Variants in DIPK1C observed in about 807,000 individuals in gnomAD.
The protein encoded by DIPK1C is divergent protein kinase domain 1C, also known as familial non-conventional Alzheimer's dementia.
DIPK1C carries 33 observed loss-of-function variants against 28.0 expected under a neutral mutation model. That is an observed-to-expected ratio of 1.18 (90% CI 0.89 to 1.58). The LOEUF (loss-of-function observed/expected upper bound fraction) is 1.58. Ranked by LOEUF, DIPK1C falls within the 40% of genes most tolerant of loss-of-function variation. The pLI, the probability that DIPK1C is intolerant of heterozygous loss-of-function variation, is 0.00. For missense variants in DIPK1C, 569 were observed against 568.5 expected (o/e 1.00, Z -0.01); for synonymous variants, 255 against 248.8 (o/e 1.02, Z -0.23).
At chr18:74,455,846 A>T (rs1343056915) in intron 1 of DIPK1C, among the ~76,000 whole-genome samples, 1 of 152,212 alleles carries the variant, frequency 6.6e-6, no homozygotes, top group Non-Finnish European at 1.5e-5. Context: ...CCTATGTTCA[A>T]TTCACGATGA....
Position 74,447,151 on chromosome 18 carries a change from G to T in DIPK1C, c.331C>A (p.Arg111=), listed in dbSNP as rs531235586. The T allele has an allele frequency of 9.4e-4, 1,464 of 1,550,572 alleles. 23 individuals carry two copies. In the South Asian group the frequency reaches 0.016, roughly 17 times the overall value. ...KKVLQADWRG[R]PVVLKSKEEA... is the part of the protein sequence containing the mutation. The stretch of plus-strand genomic sequence containing the variant: ...TCCTTGGACTTGAGGACCACGGGCC[G>T]GCCGCGCCAGTCGGCCTGCAGCACC... Residue 111 remains arginine (R), a synonymous_variant, in exon 2 of 4, where the codon CGG becomes AGG. Transcript: ENST00000343998. The surrounding 1 kb of genome is among the most constrained non-coding windows in gnomAD (Gnocchi z 4.1).
chr18:74,457,797 C>T (rs1986553966), upstream of DIPK1C: 1 of 151,298 alleles, frequency 6.6e-6, no homozygotes, highest in Admixed American at 6.6e-5. Flanking sequence ...TCTCCGGGCC[C>T]TCCCGGGAGT....
At chr18:74,456,624 G>C (rs530866647) in intron 1 of DIPK1C, among the ~76,000 whole-genome samples, 1 of 152,320 alleles carries the variant, frequency 6.6e-6, no homozygotes, top group South Asian at 2.1e-4. Flanking sequence ...ACGCGGGCTG[G>C]GCTGGAGCGC....
chr18:74,462,098 A>C (rs1212527797), upstream of DIPK1C, among the ~76,000 whole-genome samples: 1 of 152,160 alleles, frequency 6.6e-6, no homozygotes, highest in East Asian at 1.9e-4. Context: ...TTGAGGTATA[A>C]TTTGTATACC....
At chr18:74,444,659 T>C (rs1986219256) in intron 2 of DIPK1C, among the ~76,000 whole-genome samples, 1 of 152,088 alleles carries the variant, frequency 6.6e-6, no homozygotes, top group Admixed American at 6.5e-5. Flanking sequence ...AGTTGTACAG[T>C]CTTGGGTAAA....
At position 74,446,696 on chromosome 18, in the gene DIPK1C, G is replaced by T; in HGVS notation, c.786C>A (p.Asp262Glu). ...AGTCACTGTCAAAATGGTTCACCAT[G>T]TCCAAGAAGCTGAGTGCGATGTCAC... Reference protein sequence around the residue: ...AISDIALSFLDMVNHFDSDFS... With the variant: ...AISDIALSFLEMVNHFDSDFS... Residue 262 changes from aspartate (D) to glutamate (E), a missense_variant, in exon 2 of 4, where the codon GAC (aspartate) becomes GAA (glutamate). Transcript: ENST00000343998. 2 of 1,537,938 alleles carry T rather than the reference G, an allele frequency of 1.3e-6. No individual in the cohort carries two copies. Among genetic ancestry groups the T allele is most frequent in the Non-Finnish European group, 1.8e-6 (2 of 1,140,634 alleles).
intron 2 of DIPK1C, among the ~76,000 whole-genome samples, chr18:74,442,478 A>T (rs577821238): frequency 1.3e-5 from 2 of 151,948 alleles, no homozygotes; most frequent in African/African-American, 4.8e-5. Flanking sequence ...ACAGGTGCCC[A>T]CCACCACACC....
chr18:74,441,745 CT>C (rs1986129118), intron 3 of DIPK1C, among the ~76,000 whole-genome samples: 3 of 152,180 alleles, frequency 2.0e-5, no homozygotes, highest in African/African-American at 4.8e-5. Context: ...TCAGATGCCC[CT>C]GGTCGCCTGA....
At chr18:74,459,225 T>C (rs989824736), upstream of DIPK1C, among the ~76,000 whole-genome samples, 2 of 152,254 alleles carry the variant, frequency 1.3e-5, no homozygotes, top group African/African-American at 4.8e-5. Context: ...TGACTACTTA[T>C]CTTTTAAAAC....
At position 74,436,257 on chromosome 18, in the gene DIPK1C, T is replaced by C. The variant is rs758187443; in HGVS notation, c.*244A>G. The stretch of plus-strand genomic sequence containing the variant: ...GTTGGTGTCTTCTGACCGAGAGCCC[T>C]CCTGAAGGGAGGTCTGTACCTCCTC... On this transcript the variant is annotated 3_prime_UTR_variant, in exon 4 of 4. Transcript: ENST00000343998. 1 of 533,784 alleles carries C rather than the reference T, an allele frequency of 1.9e-6. No individual in the cohort carries two copies. The highest frequency in any genetic ancestry group is 3.1e-5 in the East Asian group (1 of 32,340). 33.1% of individuals were successfully genotyped at this position (533,784 alleles called of 1,614,324 possible). A position where few individuals can be genotyped will look rare whatever the true frequency, so the allele number is the denominator to read the frequency against.
the DIPK1C span, among the ~76,000 whole-genome samples, chr18:74,463,040 A>G: frequency 6.6e-6 from 1 of 152,156 alleles, no homozygotes; most frequent in Non-Finnish European, 1.5e-5. Context: ...GGTGAGGAAA[A>G]TACTGTTTGT....
chr18:74,456,932 G>A, intron 1 of DIPK1C, 130 bp downstream of exon 1: 1 of 999,178 alleles, frequency 1.0e-6, no homozygotes. Flanking sequence ...ACTCCACGCA[G>A]GTGTCGGGAA....
At position 74,446,621 on chromosome 18, in the gene DIPK1C, G is replaced by T; in HGVS notation, c.861C>A (p.Ile287=). The change falls in exon 2 of 4, where the codon ATC becomes ATA. Residue 287 remains isoleucine, a synonymous_variant. Coordinates refer to ENST00000343998, the MANE Select transcript of DIPK1C (RefSeq NM_001044369.3). ...LCDIKPENFA[I]RSDFTVVAID... ...CGCCACTTACTGTGAAGTCGCTCCGGATGGCAAAGTTTTCCGGCTTGATGT... is the reference window on the plus strand; with the variant it reads ...CGCCACTTACTGTGAAGTCGCTCCGTATGGCAAAGTTTTCCGGCTTGATGT... 6.8e-7 allele frequency: 1 copy of T among 1,461,768 alleles called. No homozygotes were observed. Among genetic ancestry groups the T allele is most frequent in the Non-Finnish European group, 9.1e-7 (1 of 1,101,246 alleles). 90.5% of individuals were successfully genotyped at this position (1,461,768 alleles called of 1,614,324 possible).
intron 1 of DIPK1C, among the ~76,000 whole-genome samples, chr18:74,451,092 C>T (rs769205143): frequency 1.2e-4 from 18 of 152,300 alleles, no homozygotes; most frequent in South Asian, 4.1e-4. Context: ...CTGGGGGAGA[C>T]GCCTCTGAGC....
chr18:74,439,033 T>A (rs1471898372), intron 3 of DIPK1C, among the ~76,000 whole-genome samples: 1 of 152,228 alleles, frequency 6.6e-6, no homozygotes, highest in Non-Finnish European at 1.5e-5. Flanking sequence ...ACTACAAATG[T>A]TTTGCAAATT....
chr18:74,446,945 G>C lies in DIPK1C; in HGVS notation c.537C>G (p.Arg179=). 6.7e-7 allele frequency: 1 copy of C among 1,503,634 alleles called. No individual in the cohort carries two copies. The highest frequency in any genetic ancestry group is 8.9e-7 in the Non-Finnish European group (1 of 1,121,124). The allele number at this position is 1,503,634 out of a possible 1,614,324, so 93.1% of individuals were successfully genotyped here. The part of the protein sequence containing the change: ...GPWWPGRRGP[R]WRGQLASLWA... ...ACAGGCTGGCCAGCTGTCCCCGCCAGCGTGGGCCCCGCCTGCCCGGCCACC... is the reference window on the plus strand; with the variant it reads ...ACAGGCTGGCCAGCTGTCCCCGCCACCGTGGGCCCCGCCTGCCCGGCCACC... The change falls in exon 2 of 4, where the codon CGC becomes CGG. Residue 179 remains arginine (R), a synonymous_variant. Coordinates refer to ENST00000343998, the MANE Select transcript of DIPK1C (RefSeq NM_001044369.3).
upstream of DIPK1C, among the ~76,000 whole-genome samples, chr18:74,460,872 T>A (rs1411497605): frequency 1.3e-5 from 2 of 152,222 alleles, no homozygotes; most frequent in Non-Finnish European, 2.9e-5. Flanking sequence ...GAAAGTGGGC[T>A]CAGCCCTCCT....
At position 74,455,677 on chromosome 18, in the gene DIPK1C, G is replaced by A. The variant is rs138493463; in HGVS notation, c.198+1385C>T. Among the ~76,000 whole-genome samples the A allele has an allele frequency of 7.1e-3, 945 of 133,982 alleles. 15 individuals are homozygous for A. The highest frequency in any genetic ancestry group is 0.024 in the African/African-American group (849 of 35,998). 87.9% of individuals were successfully genotyped at this position (133,982 alleles called of 152,430 possible). ...ATGGTGGTGGAGGTTGCGGTGAGCC[G>A]AGATCACGCCATTGCACTTTAGCCT... On this transcript the variant is annotated intron_variant, in intron 1 of 3. Transcript: ENST00000343998.
At chr18:74,440,721 G>A (rs546847585) in intron 3 of DIPK1C, among the ~76,000 whole-genome samples, 1 of 152,178 alleles carries the variant, frequency 6.6e-6, no homozygotes, top group Non-Finnish European at 1.5e-5. Flanking sequence ...TCAGCCTCTC[G>A]TTACATTGCA....
Sources: gnomAD v4.1 joint callset for allele counts (sites outside exome capture counted in the v4.1 genomes callset) on GRCh38, gnomAD v4.1.1 for gene constraint, Gnocchi (gnomAD v3.1) non-coding constraint, MANE v1.5 for transcripts, NCBI Gene and HGNC (gene_info 2026-07-23, HGNC 2026-07-21) for gene names.